Variants in PKIG observed in about 807,000 individuals in gnomAD.
The protein encoded by PKIG is cAMP-dependent protein kinase inhibitor gamma, also known as protein kinase (cAMP-dependent, catalytic) inhibitor gamma.
In PKIG, 1 loss-of-function variant was observed where a neutral mutation model predicts 6.8. That is an observed-to-expected ratio of 0.15 (90% CI 0.05 to 0.69). The LOEUF (loss-of-function observed/expected upper bound fraction) is 0.69. Among genes scored for constraint, PKIG ranks in the 30% least tolerant of loss-of-function variants. PKIG has a pLI of 0.82. For missense variants in PKIG, 77 were observed against 104.0 expected (o/e 0.74, Z 1.13); for synonymous variants, 39 against 43.0 (o/e 0.91, Z 0.36).
intron 1 of PKIG, among the ~76,000 whole-genome samples, chr20:44,576,103 G>A (rs767840905): frequency 7.2e-5 from 11 of 151,728 alleles, no homozygotes; most frequent in Non-Finnish European, 1.3e-4. Context: ...TTCAGAAGAC[G>A]TGGTGCTTTT....
upstream of PKIG, among the ~76,000 whole-genome samples, chr20:44,580,388 C>T (rs1314666736): frequency 6.6e-6 from 1 of 151,888 alleles, no homozygotes; most frequent in Non-Finnish European, 1.5e-5. Flanking sequence ...CACTGTCGCC[C>T]AAGCTGGAGT....
intron 2 of PKIG, among the ~76,000 whole-genome samples, chr20:44,613,851 T>C (rs1287874472): frequency 6.6e-6 from 1 of 152,188 alleles, no homozygotes; most frequent in Non-Finnish European, 1.5e-5. Context: ...AAGTTCCAGA[T>C]GTGGTCTGGC....
At chr20:44,579,647 G>T (rs1043537134), upstream of PKIG, among the ~76,000 whole-genome samples, 1 of 152,218 alleles carries the variant, frequency 6.6e-6, no homozygotes, top group Non-Finnish European at 1.5e-5. Flanking sequence ...CCACATAAGT[G>T]TGTCCAGTAT....
At chr20:44,569,935 C>T (rs1054388017) in intron 1 of PKIG, among the ~76,000 whole-genome samples, 1 of 152,134 alleles carries the variant, frequency 6.6e-6, no homozygotes, top group Non-Finnish European at 1.5e-5. Context: ...TTGAGACCAG[C>T]CTGGCGACAC....
At chr20:44,542,421 AAG>A (rs1437458892) in intron 1 of PKIG, among the ~76,000 whole-genome samples, 16 of 152,176 alleles carry the variant, frequency 1.1e-4, no homozygotes, top group Non-Finnish European at 2.4e-4. Context: ...TAAAAAAAAA[AAG>A]AAAAAGCTGA....
intron 2 of PKIG, among the ~76,000 whole-genome samples, chr20:44,613,088 C>T (rs943907120): frequency 6.6e-6 from 1 of 152,180 alleles, no homozygotes; most frequent in Non-Finnish European, 1.5e-5. Flanking sequence ...ATATGTGGCA[C>T]TCTTCTCTCC....
At chr20:44,540,885 C>T (rs1181506769) in intron 1 of PKIG, among the ~76,000 whole-genome samples, 1 of 152,184 alleles carries the variant, frequency 6.6e-6, no homozygotes, top group Non-Finnish European at 1.5e-5. Context: ...CCTGGCCGTA[C>T]TGATGTTTTT....
At chr20:44,611,052 CTTTTTTT>C (rs537375490) in intron 2 of PKIG, among the ~76,000 whole-genome samples, 1 of 132,886 alleles carries the variant, frequency 7.5e-6, no homozygotes, top group South Asian at 2.4e-4. Context: ...TATAGAATGC[CTTTTTTT>C]TTTTTTTTTT....
chr20:44,575,048 C>G (rs1487145499), intron 1 of PKIG, among the ~76,000 whole-genome samples: 1 of 151,828 alleles, frequency 6.6e-6, no homozygotes, highest in East Asian at 1.9e-4. Flanking sequence ...TTTTTCTTGA[C>G]TCATCAGTTT....
In PKIG at chr20:44,592,113, C is replaced by T. The variant is rs117222294; in HGVS notation, c.-24+2247C>T. ...ATGTGCCAGATGTGATAAGCACTTA[C>T]ATCCTTCTCAGCCTCATTTAGTTTG... On this transcript the variant is annotated intron_variant, in intron 2 of 3. Transcript: ENST00000372886. Among the ~76,000 whole-genome samples the T allele has an allele frequency of 2.4e-3, 368 of 152,330 alleles. 2 individuals carry two copies. The highest frequency in any genetic ancestry group is 0.013 in the South Asian group (63 of 4,824).
At chr20:44,586,363 C>T (rs2064990294) in intron 1 of PKIG, among the ~76,000 whole-genome samples, 1 of 152,206 alleles carries the variant, frequency 6.6e-6, no homozygotes, top group Non-Finnish European at 1.5e-5. Flanking sequence ...CATGAGGAAC[C>T]AGAAGTTATC....
At position 44,614,087 on chromosome 20, in the gene PKIG, C is replaced by A. The variant is rs2065242673; in HGVS notation, c.-23-447C>A. 6.6e-6 allele frequency among the ~76,000 whole-genome samples: 1 copy of A among 152,162 alleles called. No individual in the cohort carries two copies. Among genetic ancestry groups the A allele is most frequent in the South Asian group, 2.1e-4 (1 of 4,822 alleles). ...TCACTTTGTGACCCCCAGCCTTGAT[C>A]AGGTCCCAGTGATCACTCCAGCACC... On this transcript the variant is annotated intron_variant, in intron 2 of 3. Transcript: ENST00000372886. The surrounding 1 kb of genome is among the most constrained non-coding windows in gnomAD (Gnocchi z 4.6).
At chr20:44,534,945 A>G (rs2064499447) in intron 1 of PKIG, among the ~76,000 whole-genome samples, 1 of 152,202 alleles carries the variant, frequency 6.6e-6, no homozygotes, top group South Asian at 2.1e-4. Flanking sequence ...CACTACCTGG[A>G]TGATATAAAT....
chr20:44,543,077 A>G (rs1052088193), intron 1 of PKIG, among the ~76,000 whole-genome samples: 1 of 152,206 alleles, frequency 6.6e-6, no homozygotes, highest in Non-Finnish European at 1.5e-5. Flanking sequence ...AGTCCTTTGG[A>G]CATGAATTCA....
At chr20:44,597,621 C>A (rs1449573697) in intron 2 of PKIG, among the ~76,000 whole-genome samples, 1 of 152,200 alleles carries the variant, frequency 6.6e-6, no homozygotes, top group African/African-American at 2.4e-5. Flanking sequence ...CCATGAAAGT[C>A]TGTGCTTCCA....
chr20:44,578,886 A>G (rs1057474727), upstream of PKIG, among the ~76,000 whole-genome samples: 1 of 152,146 alleles, frequency 6.6e-6, no homozygotes, highest in Admixed American at 6.5e-5. Context: ...AGCAGTTAGA[A>G]TACAACCAGG....
At chr20:44,542,751 C>T (rs983341684) in intron 1 of PKIG, among the ~76,000 whole-genome samples, 27 of 152,096 alleles carry the variant, frequency 1.8e-4, no homozygotes, top group African/African-American at 6.3e-4. Context: ...CGCCACAATA[C>T]CCAGCTAATT....
intron 2 of PKIG, among the ~76,000 whole-genome samples, chr20:44,607,641 C>T (rs931306604): frequency 1.1e-4 from 17 of 149,250 alleles, no homozygotes; most frequent in African/African-American, 3.7e-4. Flanking sequence ...CCTCCCAAAG[C>T]CAAGACACAT....
At chr20:44,569,099 C>A (rs143523584) in intron 1 of PKIG, among the ~76,000 whole-genome samples, 13 of 152,270 alleles carry the variant, frequency 8.5e-5, no homozygotes, top group Admixed American at 5.9e-4. Flanking sequence ...CATGTCCCCC[C>A]TACATTTTTA....
Sources: allele counts gnomAD v4.1 joint callset (sites outside exome capture counted in the v4.1 genomes callset), GRCh38; gene constraint gnomAD v4.1.1; non-coding constraint Gnocchi (gnomAD v3.1); transcripts MANE v1.5; gene names NCBI Gene and HGNC (gene_info 2026-07-23, HGNC 2026-07-21).